The following PSG1 variants were observed in gnomAD, a reference collection of about 807,000 sequenced individuals.
PSG1 encodes the protein pregnancy specific beta-1-glycoprotein 1.
A neutral mutation model predicts 41.4 loss-of-function variants in PSG1; 60 were observed. The ratio of observed to expected loss-of-function variants is 1.45; its 90% CI spans 1.18 to 1.80. PSG1 has a LOEUF of 1.80. Among genes scored for constraint, PSG1 ranks in the 40% most tolerant of loss-of-function variants. PSG1 has a pLI of 0.00. For missense variants in PSG1, 806 were observed against 516.9 expected, an observed-to-expected ratio of 1.56 and a Z score of -5.42; for synonymous variants, 256 against 192.9, an observed-to-expected ratio of 1.33 and a Z score of -2.71.
chr19:42,878,628 T>G, intron 1 of PSG1, among the ~76,000 whole-genome samples: 1 of 145,984 alleles, frequency 6.9e-6, no homozygotes, highest in Non-Finnish European at 1.5e-5. Flanking sequence ...TCGTTAGACT[T>G]CTTTCCTGAT....
intron 3 of PSG1, chr19:42,869,451 A>G (rs567435820): frequency 4.2e-6 from 1 of 238,788 alleles, no homozygotes; most frequent in South Asian, 8.4e-5. Flanking sequence ...TGCAGCTTCC[A>G]TTTCAAAGGA....
chr19:42,869,110 G>T (rs1253927114), intron 3 of PSG1, 76 bp from the exon 4 acceptor site: 1 of 1,580,992 alleles, frequency 6.3e-7, no homozygotes, highest in African/African-American at 1.4e-5. Flanking sequence ...AATCAGAGTT[G>T]GCATCTCCCA....
intron 3 of PSG1, 173 bp from the exon 4 acceptor site, chr19:42,869,207 T>A: frequency 7.2e-7 from 1 of 1,393,974 alleles, no homozygotes; most frequent in Non-Finnish European, 9.6e-7. Context: ...GCTCAAAGAC[T>A]GTGAGGCCGC....
chr19:42,879,593 C>T lies in PSG1; in HGVS notation c.-12G>A, dbSNP rs1327476045. 9.9e-6 allele frequency: 16 copies of T among 1,609,782 alleles called. No individual in the cohort carries two copies. The highest frequency in any genetic ancestry group is 1.7e-5 in the Admixed American group (1 of 59,758). On this transcript the variant is annotated 5_prime_UTR_variant, in exon 1 of 6. Transcript: ENST00000436291. ...GAGAGGGTTCCCATGGTCTCTGCTG[C>T]TTGTGTGTTCTCCTCTGTGGAGATA...
At chr19:42,870,019 G>T (rs1246006846) in intron 3 of PSG1, 1 of 151,578 alleles carries the variant, frequency 6.6e-6, no homozygotes, top group African/African-American at 2.4e-5. Context: ...CTACTCTAGG[G>T]ACCTCATGTA....
At chr19:42,868,623 G>C (rs1971241310) in intron 4 of PSG1, 133 bp downstream of exon 4, 1 of 1,529,042 alleles carries the variant, frequency 6.5e-7, no homozygotes, top group Admixed American at 2.0e-5. Context: ...CCAGGGCAGG[G>C]AGTCATGGCC....
In PSG1 at chr19:42,872,004, G is replaced by C; in HGVS notation, c.472C>G (p.Pro158Ala). The C allele has an allele frequency of 6.2e-7, 1 of 1,612,398 alleles. No individual in the cohort carries two copies. ...CTCACAGCCTCCATGGTCTCCCTGG[G>C]ATTTAAGTTGCTGCTGGAGATGGAG... ...KPSISSSNLN[P>A]RETMEAVSLT... Residue 158 changes from proline to alanine, a missense_variant, in exon 3 of 6, where the codon CCC becomes GCC. Transcript: ENST00000436291.
chr19:42,872,022 A>C lies in PSG1; in HGVS notation c.454T>G (p.Ser152Ala), dbSNP rs1971413739. The change falls in exon 3 of 6, where the codon TCC becomes GCC. Residue 152 changes from serine (S) to alanine (A), a missense_variant. Coordinates refer to ENST00000436291, the MANE Select transcript of PSG1 (RefSeq NM_001184825.2). ...TCCCTGGGATTTAAGTTGCTGCTGG[A>C]GATGGAGGGCTTAGGAGTCTCCACT... ...LHLETPKPSI[S>A]SSNLNPRETM... 6.2e-7 allele frequency: 1 copy of C among 1,612,102 alleles called. No individual in the cohort carries two copies. The highest frequency in any genetic ancestry group is 8.5e-7 in the Non-Finnish European group (1 of 1,179,112).
intron 3 of PSG1, among the ~76,000 whole-genome samples, chr19:42,871,473 A>T (rs779035826): frequency 5.9e-5 from 9 of 151,716 alleles, no homozygotes; most frequent in Admixed American, 1.3e-4. Flanking sequence ...ACAACATTGA[A>T]GTCCCAGCCA....
At chr19:42,872,712 G>T (rs1757992441) in intron 2 of PSG1, among the ~76,000 whole-genome samples, 1 of 151,692 alleles carries the variant, frequency 6.6e-6, no homozygotes, top group African/African-American at 2.4e-5. Flanking sequence ...GACCTACAAA[G>T]AGTGAAGGGG....
At position 42,877,906 on chromosome 19, in the gene PSG1, C is replaced by T. The variant is rs1555735557; in HGVS notation, c.430+7G>A. Reference sequence around the variant, plus strand: ...CCAACACCCAGGGATCATGTGGAATCACTTACGGTGTAAGGTGAAGGTGAA... The same window carrying T: ...CCAACACCCAGGGATCATGTGGAATTACTTACGGTGTAAGGTGAAGGTGAA... On this transcript the variant is annotated splice_region_variant and intron_variant, in intron 2 of 5. Transcript: ENST00000436291. 1 of 1,611,810 alleles carries T rather than the reference C, an allele frequency of 6.2e-7. No homozygotes were observed. The highest frequency in any genetic ancestry group is 8.5e-7 in the Non-Finnish European group (1 of 1,178,852).
At chr19:42,870,399 T>C (rs1202085568) in intron 3 of PSG1, 1 of 151,636 alleles carries the variant, frequency 6.6e-6, no homozygotes, top group South Asian at 2.1e-4. Context: ...TGCCCTTTTT[T>C]TTCTCTCACC....
Position 42,879,601 on chromosome 19 carries a change from T to G in PSG1, c.-20A>C. The G allele has an allele frequency of 6.2e-7, 1 of 1,609,368 alleles. No individual in the cohort carries two copies. Among genetic ancestry groups the G allele is most frequent in the Non-Finnish European group, 8.5e-7 (1 of 1,177,510 alleles). The stretch of plus-strand genomic sequence containing the variant: ...TCCCATGGTCTCTGCTGCTTGTGTG[T>G]TCTCCTCTGTGGAGATAAGCCTAGG... On this transcript the variant is annotated 5_prime_UTR_variant, in exon 1 of 6. Coordinates refer to ENST00000436291, the MANE Select transcript of PSG1 (RefSeq NM_001184825.2).
rs182516472 is a variant in PSG1 at position 42,871,818 on chromosome 19, G to A, written c.658C>T (p.Arg220Trp). 44 of 1,612,590 alleles carry A rather than the reference G, an allele frequency of 2.7e-5. 2 individuals carry two copies. The Admixed American group carries it at 2.8e-4, about 10-fold the overall frequency. Reference sequence around the variant, plus strand: ...CTGCGGCTGGCACTCACTGGGTTCCGTATTTCACATTCATAGGGTCCTGCA... The same window carrying A: ...CTGCGGCTGGCACTCACTGGGTTCCATATTTCACATTCATAGGGTCCTGCA... ...YTAGPYECEI[R>W]NPVSASRSDP... The change falls in exon 3 of 6, where the codon CGG becomes TGG. Residue 220 changes from arginine (R) to tryptophan (W), a missense_variant. Physicochemically the swap from Arg to Trp is moderately radical, Grantham distance 101. Coordinates refer to ENST00000436291, the MANE Select transcript of PSG1 (RefSeq NM_001184825.2).
At chr19:42,871,692 G>T (rs534049918) in intron 3 of PSG1, 75 bp downstream of exon 3, 1 of 1,612,226 alleles carries the variant, frequency 6.2e-7, no homozygotes, top group Non-Finnish European at 8.5e-7. Context: ...ACCTGAGAGG[G>T]ACAGAGAGGC....
Position 42,867,989 on chromosome 19 carries a change from C to T in PSG1, c.1243+112G>A, listed in dbSNP as rs1047089015. The T allele has an allele frequency of 1.4e-5, 22 of 1,604,580 alleles. 1 individual carries two copies. The highest frequency in any genetic ancestry group is 2.2e-5 in the East Asian group (1 of 44,772). On this transcript the variant is annotated intron_variant, in intron 5 of 5. Coordinates refer to ENST00000436291, the MANE Select transcript of PSG1 (RefSeq NM_001184825.2). ...GTTCAGGAGGAGAATTTGGGATTTG[C>T]TTGTGCCCATGGGACACAGGCTGGG...
intron 5 of PSG1, chr19:42,867,740 T>C (rs1394026295): frequency 3.4e-6 from 3 of 876,884 alleles, no homozygotes; most frequent in Non-Finnish European, 5.8e-6. Context: ...ATTGAACTGC[T>C]ATAAGCTGTA....
intron 3 of PSG1, 128 bp downstream of exon 3, chr19:42,871,639 C>A: frequency 1.2e-6 from 2 of 1,605,096 alleles, no homozygotes; most frequent in South Asian, 2.2e-5. Context: ...GGCACAAAGT[C>A]ATGGCCAGGT....
chr19:42,875,622 C>T (rs1259386794), intron 2 of PSG1, among the ~76,000 whole-genome samples: 1 of 151,302 alleles, frequency 6.6e-6, no homozygotes, highest in African/African-American at 2.4e-5. Context: ...CCCATGATTC[C>T]ATCACCAAAC....
Sources: gnomAD v4.1 joint callset for allele counts (sites outside exome capture counted in the v4.1 genomes callset) on GRCh38, gnomAD v4.1.1 for gene constraint, MANE v1.5 for transcripts, NCBI Gene and HGNC (gene_info 2026-07-23, HGNC 2026-07-21) for gene names.